The following BCOR variants were observed in gnomAD, a reference collection of about 807,000 sequenced individuals.
BCOR encodes BCL-6 corepressor.
Under a neutral mutation model 86.7 loss-of-function variants are expected in BCOR, and 10 were observed. The observed-to-expected ratio is 0.12, with a 90% confidence interval of 0.07 to 0.20. BCOR has a LOEUF of 0.20. Among genes scored for constraint, BCOR ranks in the 10% least tolerant of loss-of-function variants. BCOR has a pLI of 1.00. For missense variants in BCOR, 1,259 were observed against 1,452.1 expected (o/e 0.87, Z 2.16); for synonymous variants, 611 against 609.0 (o/e 1.00, Z -0.05).
In BCOR at chrX:40,051,827, A is replaced by C. The variant is rs1602099640; in HGVS notation, c.*282T>G. ...TTACTCATTTTTTTTTCTCCTTAAA[A>C]AAGAAAAGAAACAAATGTTCCAAGT... is the stretch of plus-strand genomic sequence containing the variant. On this transcript the variant is annotated 3_prime_UTR_variant, in exon 15 of 15. Coordinates refer to ENST00000378444, the MANE Select transcript of BCOR (RefSeq NM_001123385.2). 7.8e-6 allele frequency: 2 copies of C among 255,535 alleles called. No homozygotes were observed. The highest frequency in any genetic ancestry group is 1.2e-4 in the East Asian group (2 of 17,217). 21.1% of individuals were successfully genotyped at this position (255,535 alleles called of 1,213,427 possible).
At chrX:40,078,311 T>C (rs1172751713) in intron 1 of BCOR, among the ~76,000 whole-genome samples, 1 of 112,451 alleles carries the variant, frequency 8.9e-6, no homozygotes, top group Non-Finnish European at 1.9e-5. Flanking sequence ...TTCTTGCCAC[T>C]TGTTAAAGAA....
chrX:40,078,751 C>T (rs1050100829), intron 1 of BCOR, among the ~76,000 whole-genome samples: 5 of 111,784 alleles, frequency 4.5e-5, no homozygotes, highest in African/African-American at 1.3e-4. Flanking sequence ...CATGGGGAGC[C>T]GGCAGAAGCC....
At chrX:40,053,847 A>G in intron 14 of BCOR, 39 bp downstream of exon 14, 1 of 1,205,228 alleles carries the variant, frequency 8.3e-7, no homozygotes, top group Non-Finnish European at 1.1e-6. Context: ...CCTCAAGAGC[A>G]GCTCAGCTAG....
At chrX:40,167,149 T>C (rs1938522035) in intron 1 of BCOR, among the ~76,000 whole-genome samples, 1 of 112,403 alleles carries the variant, frequency 8.9e-6, no homozygotes, top group Non-Finnish European at 1.9e-5. Context: ...AAATAGGCTT[T>C]TGCCACAAGG....
intron 1 of BCOR, among the ~76,000 whole-genome samples, chrX:40,131,562 G>A (rs1937601927): frequency 1.8e-5 from 2 of 111,946 alleles, no homozygotes; most frequent in South Asian, 3.7e-4. Context: ...CAGGAGAATC[G>A]CTTGAACCCA....
At chrX:40,158,444 C>G (rs374793717) in intron 1 of BCOR, among the ~76,000 whole-genome samples, 1 of 112,443 alleles carries the variant, frequency 8.9e-6, no homozygotes, top group Non-Finnish European at 1.9e-5. Context: ...GGCGCTCCCT[C>G]CCGAGGCCCC....
At chrX:40,172,548 CGT>C (rs1170508243) in intron 1 of BCOR, among the ~76,000 whole-genome samples, 1 of 113,157 alleles carries the variant, frequency 8.8e-6, no homozygotes, top group Non-Finnish European at 1.9e-5. Flanking sequence ...GCTTGGAAGC[CGT>C]GTGTGTTTAT....
At chrX:40,087,190 C>A (rs1392760149) in intron 1 of BCOR, among the ~76,000 whole-genome samples, 1 of 113,270 alleles carries the variant, frequency 8.8e-6, no homozygotes, top group Admixed American at 9.2e-5. Context: ...CAGGTCTGTG[C>A]TTTCTGCAGC....
At position 40,063,597 on chromosome X, in the gene BCOR, C is replaced by G; in HGVS notation, c.3847+11G>C. 1.7e-6 allele frequency: 2 copies of G among 1,194,350 alleles called. No homozygotes were observed. The highest frequency in any genetic ancestry group is 2.3e-6 in the Non-Finnish European group (2 of 880,121). ...AGCGGGGTGAACACTCAAGGGGTGG[C>G]CCCCGCATACCTTGTTCATTGTCAC... On this transcript the variant is annotated intron_variant, in intron 8 of 14. Transcript: ENST00000378444.
chrX:40,151,827 C>A (rs1397631268), intron 1 of BCOR, among the ~76,000 whole-genome samples: 1 of 112,133 alleles, frequency 8.9e-6, no homozygotes, highest in Non-Finnish European at 1.9e-5. Flanking sequence ...CAGGCGGGGG[C>A]GCGGGGCCTC....
At chrX:40,141,254 G>C (rs979022211) in intron 1 of BCOR, among the ~76,000 whole-genome samples, 10 of 113,041 alleles carry the variant, frequency 8.8e-5, no homozygotes, top group African/African-American at 2.6e-4. Context: ...GACTGAACTT[G>C]AGCCAGCCCT....
chrX:40,119,244 GTTT>G (rs770429555), intron 1 of BCOR, among the ~76,000 whole-genome samples: 2 of 92,064 alleles, frequency 2.2e-5, no homozygotes. Flanking sequence ...TTTGGGTGTT[GTTT>G]TTTTTTTTTT....
At chrX:40,052,465 T>C (rs894378286) in intron 14 of BCOR, 65 bp from the exon 15 acceptor site, 1 of 1,084,180 alleles carries the variant, frequency 9.2e-7, no homozygotes, top group African/African-American at 1.8e-5. Flanking sequence ...CAACTATTAA[T>C]ATTAACTACC....
intron 14 of BCOR, 69 bp downstream of exon 14, chrX:40,053,817 C>A: frequency 1.7e-6 from 2 of 1,158,612 alleles, no homozygotes; most frequent in South Asian, 3.7e-5. Context: ...CTGCTCAAAG[C>A]GCATTTCTAA....
chrX:40,139,628 G>A (rs1286309386), intron 1 of BCOR, among the ~76,000 whole-genome samples: 1 of 97,467 alleles, frequency 1.0e-5, no homozygotes, highest in African/African-American at 3.6e-5. Flanking sequence ...TAGCTAACAC[G>A]GTGAAACCCT....
intron 1 of BCOR, among the ~76,000 whole-genome samples, chrX:40,110,619 ACAAT>A (rs949316734): frequency 2.2e-4 from 20 of 91,826 alleles, no homozygotes; most frequent in Admixed American, 5.1e-4. Context: ...TACCTCTAAG[ACAAT>A]CAACCATTTT....
intron 10 of BCOR, among the ~76,000 whole-genome samples, chrX:40,061,639 C>A (rs938424504): frequency 1.9e-5 from 2 of 103,107 alleles, no homozygotes; most frequent in African/African-American, 7.2e-5. Context: ...CTGTACCCCC[C>A]CACTCAGAAA....
chrX:40,098,314 G>T (rs1936991030), upstream of BCOR, among the ~76,000 whole-genome samples: 1 of 108,771 alleles, frequency 9.2e-6, no homozygotes, highest in Non-Finnish European at 1.9e-5. Context: ...GGACCACTTG[G>T]GTGGCGCCCC....
Position 40,072,944 on chromosome X carries a change from T to A in BCOR, c.2402A>T (p.Asp801Val), listed in dbSNP as rs2147214510. The A allele has an allele frequency of 8.3e-7, 1 of 1,211,721 alleles. No homozygotes were observed. Among genetic ancestry groups the A allele is most frequent in the Non-Finnish European group, 1.1e-6 (1 of 895,460 alleles). Reference protein sequence around the residue: ...WNQGKTVVKSDKLVYVDLLRE... With the variant: ...WNQGKTVVKSVKLVYVDLLRE... ...GAGAAGGTCTACGTAGACAAGCTTG[T>A]CGCTTTTGACAACAGTCTTCCCTTG... Residue 801 changes from aspartate to valine, a missense_variant, in exon 4 of 15, where the codon GAC (aspartate) becomes GTC (valine). Coordinates refer to ENST00000378444, the MANE Select transcript of BCOR (RefSeq NM_001123385.2).
Sources: allele counts gnomAD v4.1 joint callset (sites outside exome capture counted in the v4.1 genomes callset), GRCh38; gene constraint gnomAD v4.1.1; transcripts MANE v1.5; gene names NCBI Gene and HGNC (gene_info 2026-07-23, HGNC 2026-07-21).